ZSCAN18: variants seen among roughly 807,000 people sequenced by gnomAD.
ZSCAN18 encodes zinc finger and SCAN domain containing 18, also known as zinc finger and SCAN domain-containing protein 18.
A neutral mutation model predicts 31.1 loss-of-function variants in ZSCAN18; 16 were observed. That is an observed-to-expected ratio of 0.51 (90% CI 0.35 to 0.78). ZSCAN18 has a LOEUF of 0.78. Ranked by LOEUF, ZSCAN18 falls within the 30% of genes least tolerant of loss-of-function variation. The probability of loss-of-function intolerance (pLI) is 0.01; values close to 1 mark genes in which losing one functional copy is unlikely to be tolerated. For synonymous variants in ZSCAN18, 375 were observed against 320.7 expected (o/e 1.17, Z -1.81); for missense variants, 731 against 697.4 (o/e 1.05, Z -0.54).
At chr19:58,109,330 G>C (rs1600011273) in intron 1 of ZSCAN18, 1 of 1,231,334 alleles carries the variant, frequency 8.1e-7, no homozygotes, top group Non-Finnish European at 1.0e-6. Context: ...GAAAATTTTT[G>C]AATCCTTAGA....
At chr19:58,092,720 A>C (rs959879073) in intron 1 of ZSCAN18, 1 of 984,662 alleles carries the variant, frequency 1.0e-6, no homozygotes, top group African/African-American at 1.8e-5. Context: ...ACTTACCTCA[A>C]GCAGAACAGA....
At chr19:58,099,687 G>C (rs1361320700), upstream of ZSCAN18, among the ~76,000 whole-genome samples, 1 of 152,160 alleles carries the variant, frequency 6.6e-6, no homozygotes, top group Non-Finnish European at 1.5e-5. Context: ...ATGCAGAGTA[G>C]CTGGACCATT....
chr19:58,103,545 G>A (rs772148034), intron 1 of ZSCAN18, among the ~76,000 whole-genome samples: 17 of 152,092 alleles, frequency 1.1e-4, no homozygotes, highest in Non-Finnish European at 2.2e-4. Context: ...AAGGAACCAC[G>A]CCTATATAAG....
At chr19:58,093,020 G>A (rs1292207189) in intron 1 of ZSCAN18, among the ~76,000 whole-genome samples, 3 of 151,874 alleles carry the variant, frequency 2.0e-5, no homozygotes, top group Non-Finnish European at 4.4e-5. Context: ...CAAGGGATAC[G>A]CCTGCCTGGG....
intron 1 of ZSCAN18, among the ~76,000 whole-genome samples, chr19:58,110,639 A>G (rs974367081): frequency 1.6e-4 from 24 of 152,194 alleles, no homozygotes; most frequent in Admixed American, 6.5e-4. Flanking sequence ...CCTTTTCTCA[A>G]AAGTCACACC....
chr19:58,087,037 C>T (rs1391869779), intron 4 of ZSCAN18, 29 bp from the exon 5 acceptor site: 1 of 1,566,266 alleles, frequency 6.4e-7, no homozygotes, highest in Non-Finnish European at 8.7e-7. Context: ...CTGAGACCTC[C>T]CACCTGCCCT....
chr19:58,085,023 C>G lies in ZSCAN18; in HGVS notation c.1195G>C (p.Gly399Arg), dbSNP rs776644672. 1.3e-6 allele frequency: 2 copies of G among 1,589,054 alleles called. No individual in the cohort carries two copies. The highest frequency in any genetic ancestry group is 2.7e-5 in the African/African-American group (2 of 74,354). The change falls in exon 7 of 7, where the codon GGC becomes CGC. Residue 399 changes from glycine to arginine, a missense_variant. Transcript: ENST00000601144. ...AAGCCCGGCTCGTCAGCCCCAGGGC[C>G]CTGCCCGGCCTCCAGCCCTGCGCTG... ...GDSAGLEAGQGPGADEPGLSR... is the reference protein window; with the variant it reads ...GDSAGLEAGQRPGADEPGLSR...
At chr19:58,107,001 G>T (rs2074640135) in intron 1 of ZSCAN18, among the ~76,000 whole-genome samples, 1 of 151,648 alleles carries the variant, frequency 6.6e-6, no homozygotes, top group Non-Finnish European at 1.5e-5. Flanking sequence ...CTGACCTCGT[G>T]ATCTGCCCAC....
chr19:58,089,747 G>A lies in ZSCAN18; in HGVS notation c.403+118C>T, dbSNP rs2074372403. ...TCTGTCCTGGCCCGAGGACCAAGGA[G>A]CTGCCTCAGCAGTGTGGGGAACTTA... On this transcript the variant is annotated intron_variant, in intron 2 of 6. Coordinates refer to ENST00000601144, the MANE Select transcript of ZSCAN18 (RefSeq NM_001145543.2). 7.8e-6 allele frequency: 10 copies of A among 1,281,438 alleles called. No individual in the cohort carries two copies. The South Asian group carries it at 1.3e-4, about 17-fold the overall frequency. The allele number at this position is 1,281,438 out of a possible 1,614,324, so 79.4% of individuals were successfully genotyped here. A position where few individuals can be genotyped will look rare whatever the true frequency, so the allele number is the denominator to read the frequency against.
chr19:58,117,345 G>T (rs1479324684), intron 1 of ZSCAN18, among the ~76,000 whole-genome samples: 3 of 152,096 alleles, frequency 2.0e-5, no homozygotes, highest in Non-Finnish European at 4.4e-5. Context: ...GAGGTTTGTG[G>T]AGAGGGCAGC....
chr19:58,111,998 C>T (rs2074686891), intron 1 of ZSCAN18, among the ~76,000 whole-genome samples: 2 of 152,126 alleles, frequency 1.3e-5, no homozygotes, highest in South Asian at 4.1e-4. Flanking sequence ...GACAAAATTC[C>T]AAACCCGACC....
At chr19:58,098,852 C>T (rs1167561466), upstream of ZSCAN18, among the ~76,000 whole-genome samples, 2 of 152,200 alleles carry the variant, frequency 1.3e-5, no homozygotes, top group Non-Finnish European at 2.9e-5. Context: ...CCCAGAGACA[C>T]TGATGCGCTA....
chr19:58,096,008 T>C (rs556390295), intron 1 of ZSCAN18, among the ~76,000 whole-genome samples: 1 of 152,314 alleles, frequency 6.6e-6, no homozygotes, highest in East Asian at 1.9e-4. Flanking sequence ...TCCAGAAATC[T>C]CTGGCCCTGT....
chr19:58,088,489 G>C, intron 3 of ZSCAN18, 199 bp downstream of exon 3: 1 of 560,356 alleles, frequency 1.8e-6, no homozygotes, highest in East Asian at 2.8e-5. Context: ...AAGTATGGAT[G>C]ATCTGCATAA....
At position 58,106,264 on chromosome 19, in the gene ZSCAN18, G is replaced by A. The variant is rs113009569; in HGVS notation, c.130+12003C>T. On this transcript the variant is annotated intron_variant, in intron 1 of 1. Coordinates refer to the ZSCAN18 transcript ENST00000595721. ...AAAACATAAAAAAAATTAGCCAGGC[G>A]TGGTGGTGCATGCTGGTAGTTCCAG... Among the ~76,000 whole-genome samples the A allele has an allele frequency of 7.9e-5, 12 of 152,228 alleles. No homozygotes were observed. The South Asian group carries it at 1.2e-3, about 16-fold the overall frequency.
At position 58,086,988 on chromosome 19, in the gene ZSCAN18, C is replaced by T. The variant is rs775400131; in HGVS notation, c.663G>A (p.Glu221=). 2.5e-6 allele frequency: 4 copies of T among 1,613,680 alleles called. No homozygotes were observed. The South Asian group carries it at 4.4e-5, about 18-fold the overall frequency. The change falls in exon 5 of 7, where the codon GAG becomes GAA. Residue 221 remains glutamate, a synonymous_variant. Transcript: ENST00000601144. ...CCCACTCCCCCAGGTGCTGAGGGTC[C>T]TCTGGAAAGGACTTCAGCTTCTGAA... The part of the protein sequence containing the change: ...NTEQKLKSFP[E]DPQHLGEWGH...
At position 58,116,261 on chromosome 19, in the gene ZSCAN18, A is replaced by T. The variant is rs1352504643; in HGVS notation, c.130+2006T>A. On this transcript the variant is annotated intron_variant, in intron 1 of 1. Coordinates refer to the ZSCAN18 transcript ENST00000595721. Reference sequence around the variant, plus strand: ...TAAATGTGCAGTGAATTCATCACACACCCCCTCTGTGATCTTAAGTCTGTG... The same window carrying T: ...TAAATGTGCAGTGAATTCATCACACTCCCCCTCTGTGATCTTAAGTCTGTG... Among the ~76,000 whole-genome samples the T allele has an allele frequency of 6.8e-5, 10 of 147,858 alleles. No homozygotes were observed. The Admixed American group carries it at 6.9e-4, about 10-fold the overall frequency.
intron 1 of ZSCAN18, among the ~76,000 whole-genome samples, chr19:58,103,480 T>C (rs112495056): frequency 1.3e-5 from 2 of 152,356 alleles, no homozygotes; most frequent in African/African-American, 4.8e-5. Context: ...TTATCTGTTA[T>C]GGTGATCTGT....
intron 1 of ZSCAN18, among the ~76,000 whole-genome samples, chr19:58,112,388 C>T (rs533212224): frequency 9.9e-5 from 15 of 152,234 alleles, no homozygotes; most frequent in Non-Finnish European, 2.1e-4. Context: ...TGGTGGCTCA[C>T]GCCTGTAATC....
Sources: gnomAD v4.1 joint callset for allele counts (sites outside exome capture counted in the v4.1 genomes callset) on GRCh38, gnomAD v4.1.1 for gene constraint, MANE v1.5 for transcripts, NCBI Gene and HGNC (gene_info 2026-07-23, HGNC 2026-07-21) for gene names.